Variants in PDE3B observed in about 807,000 individuals in gnomAD.
PDE3B encodes the protein phosphodiesterase 3B.
In PDE3B, 66 loss-of-function variants were observed where a neutral mutation model predicts 116.8. The observed-to-expected ratio is 0.56, with a 90% confidence interval of 0.46 to 0.69. PDE3B has a LOEUF of 0.69. Ranked by LOEUF, PDE3B falls within the 30% of genes least tolerant of loss-of-function variation. The pLI, the probability that PDE3B is intolerant of heterozygous loss-of-function variation, is 0.00. For missense variants in PDE3B, 1,384 were observed against 1,368.1 expected (o/e 1.01, Z -0.18); for synonymous variants, 595 against 533.6 (o/e 1.12, Z -1.59).
At chr11:14,878,234 A>C in the PDE3B span, 1 of 1,613,276 alleles carries the variant, frequency 6.2e-7, no homozygotes. Flanking sequence ...CCTCTGAAGC[A>C]ATGCTGTAAA....
intron 2 of PDE3B, 136 bp from the exon 3 acceptor site, chr11:14,786,301 G>A (rs1013433222): frequency 5.1e-6 from 3 of 590,548 alleles, no homozygotes; most frequent in Middle Eastern, 4.8e-4. Context: ...ATCAGCTAGC[G>A]AAAAAGAAAA....
At chr11:14,739,075 G>C (rs913476585) in intron 1 of PDE3B, among the ~76,000 whole-genome samples, 2 of 152,142 alleles carry the variant, frequency 1.3e-5, no homozygotes, top group Admixed American at 1.3e-4. Context: ...GGATTGACTT[G>C]GCTATGCAGG....
At chr11:14,697,186 C>T (rs934292502) in intron 1 of PDE3B, among the ~76,000 whole-genome samples, 2 of 152,124 alleles carry the variant, frequency 1.3e-5, no homozygotes, top group African/African-American at 4.8e-5. Context: ...GATCCTCCCG[C>T]CTTGACCTTC....
chr11:14,791,863 A>C (rs1457344921), intron 4 of PDE3B, among the ~76,000 whole-genome samples: 2 of 152,168 alleles, frequency 1.3e-5, no homozygotes, highest in African/African-American at 4.8e-5. Context: ...CTCTCTACAC[A>C]TCCTTTCATG....
intron 1 of PDE3B, among the ~76,000 whole-genome samples, chr11:14,733,398 CTT>C (rs1434327965): frequency 1.3e-5 from 2 of 152,144 alleles, no homozygotes; most frequent in South Asian, 2.1e-4. Context: ...CCCAACCTCT[CTT>C]GTTTATTTCT....
At chr11:14,766,671 C>CA (rs1458940390) in intron 1 of PDE3B, among the ~76,000 whole-genome samples, 1 of 149,952 alleles carries the variant, frequency 6.7e-6, no homozygotes, top group Non-Finnish European at 1.5e-5. Flanking sequence ...AACAAACAAA[C>CA]AAACAAAAAA....
intron 1 of PDE3B, among the ~76,000 whole-genome samples, chr11:14,646,461 AT>A (rs1831256264): frequency 6.6e-6 from 1 of 152,184 alleles, no homozygotes; most frequent in African/African-American, 2.4e-5. Context: ...GTGATAATAG[AT>A]AGTACTTTAG....
At chr11:14,724,774 C>G (rs1372938810) in intron 1 of PDE3B, among the ~76,000 whole-genome samples, 1 of 152,034 alleles carries the variant, frequency 6.6e-6, no homozygotes, top group Non-Finnish European at 1.5e-5. Context: ...GAGAAGAAGG[C>G]CTAGAAGTTG....
intron 3 of PDE3B, among the ~76,000 whole-genome samples, chr11:14,787,658 A>T (rs1271740793): frequency 6.6e-6 from 1 of 151,868 alleles, no homozygotes; most frequent in Non-Finnish European, 1.5e-5. Flanking sequence ...TTATTTTTTT[A>T]AAGTTTATGC....
At chr11:14,853,009 CTCTT>C (rs782073167) in intron 12 of PDE3B, among the ~76,000 whole-genome samples, 61 of 148,586 alleles carry the variant, frequency 4.1e-4, no homozygotes, top group Non-Finnish European at 7.3e-4. Flanking sequence ...AAGTCTCTCT[CTCTT>C]TTTTTTTTTT....
At chr11:14,652,287 A>G (rs953307714) in intron 1 of PDE3B, among the ~76,000 whole-genome samples, 1 of 152,148 alleles carries the variant, frequency 6.6e-6, no homozygotes, top group Non-Finnish European at 1.5e-5. Flanking sequence ...AAATTATTTG[A>G]CAGTACATGT....
rs1387799200 is a variant in PDE3B, at chr11:14,644,297, C to G, written c.222C>G (p.Pro74=). Residue 74 remains proline, a synonymous_variant, in exon 1 of 16, where the codon CCC becomes CCG. Transcript: ENST00000282096. Reference sequence around the variant, plus strand: ...CCCAGCAGCCGCGGCGCTGCTCCCCCTTCTGCCGGGCGCGCCTCTCGCTGG... The same window carrying G: ...CCCAGCAGCCGCGGCGCTGCTCCCCGTTCTGCCGGGCGCGCCTCTCGCTGG... ...ASPQQPRRCS[P]FCRARLSLGA... is the part of the protein sequence containing the mutation. 3 of 1,565,138 alleles carry G rather than the reference C, an allele frequency of 1.9e-6. No homozygotes were observed. The highest frequency in any genetic ancestry group is 1.4e-5 in the African/African-American group (1 of 72,514).
intron 1 of PDE3B, among the ~76,000 whole-genome samples, chr11:14,665,248 A>G (rs1323242086): frequency 1.3e-5 from 2 of 152,088 alleles, no homozygotes; most frequent in South Asian, 2.1e-4. Context: ...CAATAAATTA[A>G]GTATTGATGG....
chr11:14,661,798 G>T (rs533792831), intron 1 of PDE3B, among the ~76,000 whole-genome samples: 1 of 152,354 alleles, frequency 6.6e-6, no homozygotes, highest in Non-Finnish European at 1.5e-5. Context: ...AAACAAAGCA[G>T]CAGGTAAGCT....
At chr11:14,739,160 G>C (rs745349241) in intron 1 of PDE3B, among the ~76,000 whole-genome samples, 5 of 152,166 alleles carry the variant, frequency 3.3e-5, no homozygotes, top group Non-Finnish European at 7.4e-5. Flanking sequence ...GTAGCTTGAT[G>C]GGGATAGCAC....
intron 1 of PDE3B, among the ~76,000 whole-genome samples, chr11:14,696,890 A>T (rs1320451292): frequency 6.6e-6 from 1 of 152,106 alleles, no homozygotes; most frequent in African/African-American, 2.4e-5. Flanking sequence ...CTACAGGAAG[A>T]TCACAAAGAT....
intron 1 of PDE3B, among the ~76,000 whole-genome samples, chr11:14,704,035 C>T (rs1308602618): frequency 6.6e-6 from 1 of 151,586 alleles, no homozygotes; most frequent in Non-Finnish European, 1.5e-5. Flanking sequence ...GCTTGATGAC[C>T]ATGTGGCTTG....
At chr11:14,883,617 G>A in the PDE3B span, among the ~76,000 whole-genome samples, 2 of 152,090 alleles carry the variant, frequency 1.3e-5, no homozygotes, top group African/African-American at 4.8e-5. Flanking sequence ...TCAGGAGATA[G>A]GCATGGGCAA....
At chr11:14,664,529 TAAA>T (rs1565080039) in intron 1 of PDE3B, among the ~76,000 whole-genome samples, 1 of 150,912 alleles carries the variant, frequency 6.6e-6, no homozygotes, top group African/African-American at 2.4e-5. Flanking sequence ...ACAAGACTAA[TAAA>T]GAAGAAAAGA....
Sources: allele counts gnomAD v4.1 joint callset (sites outside exome capture counted in the v4.1 genomes callset), GRCh38; gene constraint gnomAD v4.1.1; transcripts MANE v1.5; gene names NCBI Gene and HGNC (gene_info 2026-07-23, HGNC 2026-07-21).